The following FAM81A variants were observed in gnomAD, a reference collection of about 807,000 sequenced individuals.
The protein encoded by FAM81A is family with sequence similarity 81 member A.
In FAM81A, 19 loss-of-function variants were observed where a neutral mutation model predicts 46.7. The ratio of observed to expected loss-of-function variants is 0.41; its 90% CI spans 0.28 to 0.60. The LOEUF is 0.60. Among genes scored for constraint, FAM81A ranks in the 20% least tolerant of loss-of-function variants. The pLI, the probability that FAM81A is intolerant of heterozygous loss-of-function variation, is 0.34. For synonymous variants in FAM81A, 183 were observed against 152.9 expected, an observed-to-expected ratio of 1.20 and a Z score of -1.45; for missense variants, 377 against 453.5, an observed-to-expected ratio of 0.83 and a Z score of 1.53.
At chr15:59,490,985 C>T (rs2081974320) in intron 3 of FAM81A, among the ~76,000 whole-genome samples, 1 of 152,158 alleles carries the variant, frequency 6.6e-6, no homozygotes, top group African/African-American at 2.4e-5. Context: ...TTAGTACAAC[C>T]ACTGTGGAGA....
At chr15:59,466,700 C>T (rs1162591394) in intron 3 of FAM81A, among the ~76,000 whole-genome samples, 3 of 152,146 alleles carry the variant, frequency 2.0e-5, no homozygotes, top group Non-Finnish European at 2.9e-5. Flanking sequence ...TGCAGAAGCT[C>T]TTTAGTTTAA....
At chr15:59,402,914 A>G (rs1463378825) in intron 2 of FAM81A, among the ~76,000 whole-genome samples, 2 of 152,100 alleles carry the variant, frequency 1.3e-5, no homozygotes, top group Admixed American at 6.6e-5. Context: ...GGGGTCTTAT[A>G]TATATATTCT....
intron 3 of FAM81A, among the ~76,000 whole-genome samples, chr15:59,488,527 ACT>A (rs1453762420): frequency 1.3e-5 from 2 of 152,310 alleles, no homozygotes; most frequent in African/African-American, 4.8e-5. Flanking sequence ...AAGCCTAAAG[ACT>A]CCACCAAAAA....
intron 4 of FAM81A, among the ~76,000 whole-genome samples, chr15:59,501,029 GT>G (rs1299327730): frequency 6.6e-6 from 1 of 151,882 alleles, no homozygotes; most frequent in Non-Finnish European, 1.5e-5. Flanking sequence ...TGGTTTACCT[GT>G]TTTTTTCCGC....
intron 3 of FAM81A, among the ~76,000 whole-genome samples, chr15:59,480,321 GA>G (rs1287345486): frequency 6.6e-6 from 1 of 152,120 alleles, no homozygotes; most frequent in Non-Finnish European, 1.5e-5. Context: ...GGAGAAGGAG[GA>G]ACATGGAGAG....
intron 7 of FAM81A, among the ~76,000 whole-genome samples, chr15:59,515,348 C>G (rs1596548875): frequency 1.3e-5 from 2 of 152,364 alleles, no homozygotes; most frequent in South Asian, 4.1e-4. Flanking sequence ...TTTAGCATGA[C>G]ATCTCTGTCT....
At chr15:59,515,840 CTT>C (rs2082260431) in intron 7 of FAM81A, among the ~76,000 whole-genome samples, 1 of 152,080 alleles carries the variant, frequency 6.6e-6, no homozygotes, top group African/African-American at 2.4e-5. Flanking sequence ...GAAATAGAAA[CTT>C]ATTTTTTATT....
At chr15:59,438,578 G>C (rs1444387174) in intron 1 of FAM81A, 6 of 152,396 alleles carry the variant, frequency 3.9e-5, no homozygotes, top group East Asian at 1.9e-4. Context: ...TGCACGGATT[G>C]CCAGGGGTAA....
At chr15:59,413,281 G>C (rs1251175529) in intron 2 of FAM81A, among the ~76,000 whole-genome samples, 1 of 152,164 alleles carries the variant, frequency 6.6e-6, no homozygotes, top group Non-Finnish European at 1.5e-5. Context: ...GCCCAGGGCA[G>C]TTAGGGTGGG....
chr15:59,427,847 A>G (rs2081201937), intron 2 of FAM81A, among the ~76,000 whole-genome samples: 1 of 152,206 alleles, frequency 6.6e-6, no homozygotes, highest in South Asian at 2.1e-4. Context: ...TGTTATTGTG[A>G]ATAGTGCTGT....
intron 1 of FAM81A, chr15:59,446,674 A>G (rs1163098917): frequency 2.0e-5 from 3 of 152,188 alleles, no homozygotes; most frequent in Non-Finnish European, 4.4e-5. Context: ...CTGGGACCCC[A>G]TGGAGGGACT....
At chr15:59,513,350 A>G (rs2082233286) in intron 6 of FAM81A, among the ~76,000 whole-genome samples, 3 of 152,162 alleles carry the variant, frequency 2.0e-5, no homozygotes, top group Non-Finnish European at 4.4e-5. Flanking sequence ...CCTGGGGAAG[A>G]AGGGGACCCT....
rs764710129 is a variant in FAM81A at position 59,492,290 on chromosome 15, G to T, written c.314G>T (p.Arg105Leu). 3 of 1,613,130 alleles carry T rather than the reference G, an allele frequency of 1.9e-6. No individual in the cohort carries two copies. In the South Asian group the frequency reaches 3.3e-5, roughly 18 times the overall value. Residue 105 changes from arginine to leucine, a missense_variant, in exon 4 of 9, where the codon CGT becomes CTT. Physicochemically the swap from Arg to Leu is moderately radical, Grantham distance 102. Coordinates refer to ENST00000288228, the MANE Select transcript of FAM81A (RefSeq NM_152450.3). ...GCCCAGGTACTCCAGGAGCAGATTC[G>T]TGCCCGGGACAACATTAGCTATGGA... ...RDIEVLQEQI[R>L]ARDNISYGTN...
In FAM81A at chr15:59,454,287, T is replaced by G. The variant is rs145671852; in HGVS notation, c.-77-4263T>G. Among the ~76,000 whole-genome samples the G allele has an allele frequency of 6.7e-4, 102 of 152,336 alleles. 1 individual carries two copies. Among genetic ancestry groups the G allele is most frequent in the Admixed American group, 5.2e-3 (79 of 15,304 alleles). On this transcript the variant is annotated intron_variant, in intron 1 of 8. Coordinates refer to ENST00000288228, the MANE Select transcript of FAM81A (RefSeq NM_152450.3). ...TAATAGTGAAATGAAAAATTAACTG[T>G]TTTTACATGATTGGTATTCAACTCT...
In FAM81A at chr15:59,438,204, C is replaced by T. The variant is rs1161922546; in HGVS notation, c.-156C>T. 1 of 146,942 alleles carries T rather than the reference C, an allele frequency of 6.8e-6. No homozygotes were observed. Among genetic ancestry groups the T allele is most frequent in the Non-Finnish European group, 1.5e-5 (1 of 66,072 alleles). 9.1% of individuals were successfully genotyped at this position (146,942 alleles called of 1,614,324 possible). On this transcript the variant is annotated 5_prime_UTR_variant, in exon 1 of 9. Transcript: ENST00000288228. ...CGGGCCCGCAGCCGGGCGCCCTGCT[C>T]AGCCAGCGCCAGCGGCCGCCGCACC...
intron 1 of FAM81A, among the ~76,000 whole-genome samples, chr15:59,451,577 C>A (rs183341749): frequency 6.6e-6 from 1 of 152,054 alleles, no homozygotes; most frequent in Non-Finnish European, 1.5e-5. Context: ...CTGAGCCTTC[C>A]GAGTAGCTGC....
At chr15:59,438,361 C>A in intron 1 of FAM81A, 79 bp downstream of exon 1, 1 of 152,288 alleles carries the variant, frequency 6.6e-6, no homozygotes, top group Non-Finnish European at 1.5e-5. Flanking sequence ...CGGCCGGTGA[C>A]CTTGGGGCAG....
chr15:59,441,302 G>A (rs1318917505), intron 1 of FAM81A, among the ~76,000 whole-genome samples: 4 of 152,186 alleles, frequency 2.6e-5, no homozygotes, highest in Non-Finnish European at 5.9e-5. Flanking sequence ...TCCTCGCTCT[G>A]TCCAGTAGAA....
chr15:59,481,670 A>G lies in FAM81A; in HGVS notation c.295-10601A>G, dbSNP rs182687239. Among the ~76,000 whole-genome samples the G allele has an allele frequency of 5.5e-3, 834 of 152,166 alleles. 5 individuals carry two copies. Among genetic ancestry groups the G allele is most frequent in the African/African-American group, 0.019 (805 of 41,534 alleles). ...ACCTTGTGAAATACTTGACATGTGT[A>G]TCACACTCTGAAGACATCTTTATGC... On this transcript the variant is annotated intron_variant, in intron 3 of 8. Coordinates refer to ENST00000288228, the MANE Select transcript of FAM81A (RefSeq NM_152450.3).
Sources: allele counts gnomAD v4.1 joint callset (sites outside exome capture counted in the v4.1 genomes callset), GRCh38; gene constraint gnomAD v4.1.1; transcripts MANE v1.5; gene names NCBI Gene and HGNC (gene_info 2026-07-23, HGNC 2026-07-21).